Variants in CCDC30 observed in about 807,000 individuals in gnomAD.
CCDC30 encodes coiled-coil domain containing 30.
A neutral mutation model predicts 100.2 loss-of-function variants in CCDC30; 70 were observed. That is an observed-to-expected ratio of 0.70 (90% CI 0.58 to 0.85). CCDC30 has a LOEUF of 0.85. CCDC30 is among the 40% of genes least tolerant of loss of function. The probability of loss-of-function intolerance (pLI) is 0.00; values close to 1 mark genes in which losing one functional copy is unlikely to be tolerated. For missense variants in CCDC30, 652 were observed against 771.2 expected, an observed-to-expected ratio of 0.85 and a Z score of 1.83; for synonymous variants, 233 against 269.5, an observed-to-expected ratio of 0.86 and a Z score of 1.33.
At chr1:42,646,181 T>A in exon 15 of CCDC30, 1 of 1,603,404 alleles carries the variant, frequency 6.2e-7, no homozygotes, top group Non-Finnish European at 8.5e-7. Context: ...AGAGGCAAGC[T>A]GGCTTCTCTC....
At chr1:42,542,599 G>A (rs1354572123) in intron 6 of CCDC30, among the ~76,000 whole-genome samples, 2 of 106,382 alleles carry the variant, frequency 1.9e-5, no homozygotes, top group Admixed American at 9.9e-5. Flanking sequence ...GCCGGACTGC[G>A]GACTGCAGTG....
At chr1:42,545,418 G>A in intron 6 of CCDC30, 2 of 1,570,506 alleles carry the variant, frequency 1.3e-6, no homozygotes, top group Non-Finnish European at 1.7e-6. Flanking sequence ...AGGTCTTGAA[G>A]CTTTCACAAG....
In CCDC30 at chr1:42,497,239, G is replaced by T. The variant is rs1044888373; in HGVS notation, c.357+26G>T. 5.2e-6 allele frequency: 6 copies of T among 1,143,930 alleles called. No individual in the cohort carries two copies. The South Asian group carries it at 1.3e-4, about 25-fold the overall frequency. 70.9% of individuals were successfully genotyped at this position (1,143,930 alleles called of 1,614,324 possible). A position where few individuals can be genotyped will look rare whatever the true frequency, so the allele number is the denominator to read the frequency against. Reference sequence around the variant, plus strand: ...GTAAGTTTAATTTACTTCTTAGAACGTATTTAAATGTGTCTACCATAACAA... The same window carrying T: ...GTAAGTTTAATTTACTTCTTAGAACTTATTTAAATGTGTCTACCATAACAA... On this transcript the variant is annotated intron_variant, in intron 5 of 16. Coordinates refer to ENST00000668663, the Ensembl canonical transcript of CCDC30.
At chr1:42,479,565 T>TA (rs150749741) in intron 1 of CCDC30, among the ~76,000 whole-genome samples, 20,812 of 139,718 alleles carry the variant, frequency 0.15, 1,918 homozygotes, top group East Asian at 0.18. Flanking sequence ...AGACATATGC[T>TA]TAAAAAAAAA....
chr1:42,636,670 G>A (rs749555728), intron 11 of CCDC30, among the ~76,000 whole-genome samples: 1 of 151,886 alleles, frequency 6.6e-6, no homozygotes, highest in Non-Finnish European at 1.5e-5. Flanking sequence ...ACAACCATCA[G>A]TACAAGACCA....
At chr1:42,614,008 T>C (rs1646676517) in intron 11 of CCDC30, among the ~76,000 whole-genome samples, 1 of 152,188 alleles carries the variant, frequency 6.6e-6, no homozygotes, top group Non-Finnish European at 1.5e-5. Flanking sequence ...GTAGCAATTT[T>C]ACCACATCCT....
chr1:42,476,855 T>A (rs1643887512), intron 1 of CCDC30, among the ~76,000 whole-genome samples: 1 of 151,014 alleles, frequency 6.6e-6, no homozygotes, highest in Admixed American at 6.6e-5. Flanking sequence ...CTTTTAGAAA[T>A]TTCTTTTACA....
At chr1:42,553,012 C>G (rs1645286450) in intron 6 of CCDC30, among the ~76,000 whole-genome samples, 2 of 152,164 alleles carry the variant, frequency 1.3e-5, no homozygotes, top group South Asian at 4.1e-4. Context: ...TCCCTTATTA[C>G]AGCCTGGTGA....
intron 6 of CCDC30, among the ~76,000 whole-genome samples, chr1:42,508,157 T>C (rs576243082): frequency 1.3e-5 from 2 of 152,308 alleles, no homozygotes; most frequent in African/African-American, 2.4e-5. Flanking sequence ...AAAGCATGCA[T>C]TTTTATGGCT....
chr1:42,536,444 A>G (rs775185859), intron 6 of CCDC30, 32 bp from the exon 7 acceptor site: 44 of 1,384,414 alleles, frequency 3.2e-5, no homozygotes, highest in Middle Eastern at 1.8e-4. Context: ...GCTATTATAT[A>G]TAAAATTAAT....
chr1:42,517,137 G>A (rs1644567048), intron 6 of CCDC30, among the ~76,000 whole-genome samples: 1 of 152,152 alleles, frequency 6.6e-6, no homozygotes, highest in South Asian at 2.1e-4. Flanking sequence ...AGGCAGGAGT[G>A]CAATGGTAAG....
chr1:42,625,845 T>C (rs538473563), intron 11 of CCDC30, among the ~76,000 whole-genome samples: 98 of 152,306 alleles, frequency 6.4e-4, no homozygotes, highest in African/African-American at 1.9e-3. Flanking sequence ...GATGAAATGT[T>C]CTGTAAATAT....
At chr1:42,512,882 T>G (rs1329770000) in intron 6 of CCDC30, among the ~76,000 whole-genome samples, 1 of 152,178 alleles carries the variant, frequency 6.6e-6, no homozygotes, top group Non-Finnish European at 1.5e-5. Context: ...TCAGTACACC[T>G]CACCCCTGTG....
At chr1:42,499,638 A>G (rs1270423748) in intron 6 of CCDC30, among the ~76,000 whole-genome samples, 1 of 152,116 alleles carries the variant, frequency 6.6e-6, no homozygotes, top group Admixed American at 6.5e-5. Flanking sequence ...ACCACACTCA[A>G]CTAATTTTAA....
At chr1:42,553,831 A>G (rs974593865) in intron 6 of CCDC30, among the ~76,000 whole-genome samples, 2 of 152,166 alleles carry the variant, frequency 1.3e-5, no homozygotes, top group Non-Finnish European at 1.5e-5. Context: ...CCTTTATCTC[A>G]TACTGTTTTG....
rs71065187 is a variant in CCDC30, at chr1:42,639,966, CAA to C, written c.1420-2490_1420-2489del. 5.8e-3 allele frequency among the ~76,000 whole-genome samples: 704 copies of C among 120,964 alleles called. 9 individuals carry two copies. The highest frequency in any genetic ancestry group is 0.046 in the East Asian group (199 of 4,288). The allele number at this position is 120,964 out of a possible 152,430, so 79.4% of individuals were successfully genotyped here. On this transcript the variant is annotated intron_variant, in intron 12 of 16. Coordinates refer to ENST00000668663, the Ensembl canonical transcript of CCDC30. ...AGGTGAAAAGAGTGAAACTTCGTCT[CAA>C]AAAAAAAAAAAAAAAATCTTAGAAG... is the stretch of plus-strand genomic sequence containing the variant.
chr1:42,564,583 A>G (rs542861093), intron 6 of CCDC30, among the ~76,000 whole-genome samples: 56 of 152,206 alleles, frequency 3.7e-4, no homozygotes, highest in Non-Finnish European at 7.2e-4. Context: ...GATTATTGAC[A>G]AATGTTGTAT....
chr1:42,529,340 C>T lies in CCDC30; in HGVS notation c.456+30424C>T, dbSNP rs1028562717. ...TACAAAAATTAGCTGGGCGTGGTGG[C>T]GGACGCCTGTAATCCTAGCTACTTG... is the stretch of plus-strand genomic sequence containing the variant. On this transcript the variant is annotated intron_variant, in intron 6 of 16. Transcript: ENST00000668663. 8.5e-5 allele frequency among the ~76,000 whole-genome samples: 13 copies of T among 152,164 alleles called. 1 individual carries two copies. Among genetic ancestry groups the T allele is most frequent in the Admixed American group, 7.2e-4 (11 of 15,278 alleles).
downstream of CCDC30, among the ~76,000 whole-genome samples, chr1:42,656,629 C>CA (rs1455790475): frequency 6.6e-6 from 1 of 151,730 alleles, no homozygotes; most frequent in Admixed American, 6.6e-5. Context: ...GACTCTGTCT[C>CA]AAAAAATAAT....
Sources: gnomAD v4.1 joint callset for allele counts (sites outside exome capture counted in the v4.1 genomes callset) on GRCh38, gnomAD v4.1.1 for gene constraint, MANE v1.5 for transcripts, NCBI Gene and HGNC (gene_info 2026-07-23, HGNC 2026-07-21) for gene names.